DPH6: variants seen among roughly 807,000 people sequenced by gnomAD.
DPH6 encodes diphthamine biosynthesis 6, also known as diphthine--ammonia ligase.
In DPH6, 33 loss-of-function variants were observed where a neutral mutation model predicts 38.2. That is an observed-to-expected ratio of 0.86 (90% CI 0.65 to 1.15). The LOEUF (loss-of-function observed/expected upper bound fraction) is 1.15. Among genes scored for constraint, DPH6 ranks in the 50% most tolerant of loss-of-function variants. DPH6 has a pLI of 0.00. For missense variants in DPH6, 325 were observed against 320.0 expected (o/e 1.02, Z -0.12); for synonymous variants, 108 against 103.0 (o/e 1.05, Z -0.30).
chr15:35,485,252 G>A (rs1025551922), intron 3 of DPH6, among the ~76,000 whole-genome samples: 1 of 152,110 alleles, frequency 6.6e-6, no homozygotes, highest in Non-Finnish European at 1.5e-5. Context: ...AAGGCACATG[G>A]GGAATACATC....
At chr15:35,494,549 T>C (rs1284842576) in intron 3 of DPH6, among the ~76,000 whole-genome samples, 1 of 152,162 alleles carries the variant, frequency 6.6e-6, no homozygotes, top group Non-Finnish European at 1.5e-5. Context: ...AATTTTTTAC[T>C]TTTTCAATGA....
intron 3 of DPH6, among the ~76,000 whole-genome samples, chr15:35,271,392 G>T (rs1393045411): frequency 6.6e-6 from 1 of 151,900 alleles, no homozygotes; most frequent in Non-Finnish European, 1.5e-5. Flanking sequence ...ATTTCCTCAG[G>T]GCAAGAAGAA....
intron 6 of DPH6, among the ~76,000 whole-genome samples, chr15:35,385,328 C>T (rs1387331069): frequency 2.6e-5 from 4 of 152,122 alleles, no homozygotes; most frequent in African/African-American, 9.7e-5. Flanking sequence ...CGTATGTTTA[C>T]TGCAGCACGG....
the DPH6 span, among the ~76,000 whole-genome samples, chr15:35,151,654 G>A: frequency 6.6e-6 from 1 of 152,218 alleles, no homozygotes; most frequent in Admixed American, 6.5e-5. Context: ...GTGGCTGTGA[G>A]TTTAAGTGTG....
chr15:35,274,460 C>A (rs1172502514), intron 3 of DPH6, among the ~76,000 whole-genome samples: 2 of 151,922 alleles, frequency 1.3e-5, no homozygotes, highest in Non-Finnish European at 2.9e-5. Context: ...GAACAGGCAA[C>A]CTAAAGAATG....
At chr15:35,148,065 G>C in the DPH6 span, among the ~76,000 whole-genome samples, 1 of 152,004 alleles carries the variant, frequency 6.6e-6, no homozygotes, top group Non-Finnish European at 1.5e-5. Flanking sequence ...AGTACTCCAG[G>C]GTTATATTTA....
intron 3 of DPH6, among the ~76,000 whole-genome samples, chr15:35,337,524 A>G (rs1233592718): frequency 6.6e-6 from 1 of 152,182 alleles, no homozygotes. Context: ...GCTCAATGAA[A>G]TAAAACAGGA....
intron 4 of DPH6, among the ~76,000 whole-genome samples, chr15:35,452,776 T>C (rs1430438460): frequency 6.6e-6 from 1 of 152,194 alleles, no homozygotes; most frequent in East Asian, 1.9e-4. Context: ...GTAAAGTGTT[T>C]AATAGATGTC....
At chr15:35,319,147 C>G (rs1412906324) in intron 3 of DPH6, among the ~76,000 whole-genome samples, 2 of 152,160 alleles carry the variant, frequency 1.3e-5, no homozygotes, top group Non-Finnish European at 2.9e-5. Context: ...TCAGGTCACT[C>G]TGGTGGACAA....
At chr15:35,417,606 TAC>T (rs1198278867) in intron 5 of DPH6, among the ~76,000 whole-genome samples, 1 of 152,082 alleles carries the variant, frequency 6.6e-6, no homozygotes, top group African/African-American at 2.4e-5. Context: ...AGAACCCACT[TAC>T]GTTTCTAAGC....
At position 35,242,907 on chromosome 15, in the gene DPH6, TGTTTACACTGCCG is replaced by T. The variant is rs765445084; in HGVS notation, n.201-22338_201-22326del. Among the ~76,000 whole-genome samples the T allele has an allele frequency of 9.8e-5, 14 of 142,488 alleles. 2 individuals are homozygous for T. The highest frequency in any genetic ancestry group is 1.8e-4 in the Non-Finnish European group (12 of 65,264). 93.5% of individuals were successfully genotyped at this position (142,488 alleles called of 152,430 possible). ...CAACTACTCATACATGCCCTGCTCT[TGTTTACACTGCCG>T]GTTTACACTGTTTTTCCAAGCCGTC... On this transcript the variant is annotated intron_variant and non_coding_transcript_variant, in intron 3 of 3. Transcript: ENST00000560386.
chr15:35,263,868 C>T (rs533405290), intron 3 of DPH6, among the ~76,000 whole-genome samples: 5 of 152,084 alleles, frequency 3.3e-5, no homozygotes, highest in South Asian at 4.1e-4. Context: ...CCCACCACCA[C>T]GCCTGGCTAA....
Position 35,489,745 on chromosome 15 carries a change from GA to G in DPH6, c.313-34926del, listed in dbSNP as rs1345814348. ...ACCATTTTTTCTGGAACAGTATACAGAAACTATAAAGTATTTTGCCTTAGGA... is the reference window on the plus strand; with the variant it reads ...ACCATTTTTTCTGGAACAGTATACAGAACTATAAAGTATTTTGCCTTAGGA... On this transcript the variant is annotated intron_variant, in intron 3 of 8. Transcript: ENST00000256538. 7 of 981,376 alleles carry G rather than the reference GA, an allele frequency of 7.1e-6. No homozygotes were observed. In the East Asian group the frequency reaches 8.0e-4, roughly 112 times the overall value. The allele number at this position is 981,376 out of a possible 1,614,324, so 60.8% of individuals were successfully genotyped here.
rs142799043 is a variant in DPH6 at position 35,458,506 on chromosome 15, G to A, written c.313-3686C>T. ...TTAAAAGATAAAGATCTACCACATA[G>A]TCAATCTACGCCTTAGAAAAGACAT... On this transcript the variant is annotated intron_variant, in intron 3 of 8. Transcript: ENST00000256538. 1.1e-4 allele frequency among the ~76,000 whole-genome samples: 17 copies of A among 152,242 alleles called. No homozygotes were observed. In the East Asian group the frequency reaches 3.3e-3, roughly 29 times the overall value.
intron 3 of DPH6, among the ~76,000 whole-genome samples, chr15:35,536,735 G>T (rs1316801853): frequency 1.3e-5 from 2 of 151,916 alleles, no homozygotes; most frequent in East Asian, 3.8e-4. Flanking sequence ...AAAACTTAAT[G>T]CCCAAATTCT....
At chr15:35,529,495 C>T (rs1039499139) in intron 3 of DPH6, among the ~76,000 whole-genome samples, 1 of 152,110 alleles carries the variant, frequency 6.6e-6, no homozygotes, top group Admixed American at 6.6e-5. Context: ...GAGCCAAACC[C>T]TATCAGATAT....
intron 3 of DPH6, among the ~76,000 whole-genome samples, chr15:35,487,817 A>T (rs1275435151): frequency 6.6e-6 from 1 of 152,018 alleles, no homozygotes; most frequent in African/African-American, 2.4e-5. Flanking sequence ...GAGACTGCAA[A>T]TTTTCCCAAC....
downstream of DPH6, among the ~76,000 whole-genome samples, chr15:35,329,123 A>G (rs1049617531): frequency 3.3e-5 from 5 of 152,208 alleles, no homozygotes; most frequent in Non-Finnish European, 1.5e-5. Context: ...ACCAAACCAT[A>G]TCAGTCAGTA....
At chr15:35,233,608 C>G (rs1015908934) in intron 3 of DPH6, among the ~76,000 whole-genome samples, 2 of 152,150 alleles carry the variant, frequency 1.3e-5, no homozygotes, top group African/African-American at 4.8e-5. Context: ...CTGGGAACAG[C>G]TGAAGAATAA....
Sources: gnomAD v4.1 joint callset for allele counts (sites outside exome capture counted in the v4.1 genomes callset) on GRCh38, gnomAD v4.1.1 for gene constraint, MANE v1.5 for transcripts, NCBI Gene and HGNC (gene_info 2026-07-23, HGNC 2026-07-21) for gene names.